The following OR51B5 variants were observed in gnomAD, a reference collection of about 807,000 sequenced individuals.
OR51B5 encodes olfactory receptor family 51 subfamily B member 5, also known as olfactory receptor 51B5.
For synonymous variants in OR51B5, 186 were observed against 144.8 expected, an observed-to-expected ratio of 1.28 and a Z score of -2.04; for missense variants, 456 against 374.6, an observed-to-expected ratio of 1.22 and a Z score of -1.79.
chr11:5,396,850 A>G (rs1004535199), intron 1 of OR51B5, among the ~76,000 whole-genome samples: 3 of 152,212 alleles, frequency 2.0e-5, no homozygotes, highest in Non-Finnish European at 4.4e-5. Flanking sequence ...TGGTACCAAA[A>G]CAGAGATATA....
At chr11:5,354,754 G>C (rs1849159775) in intron 1 of OR51B5, 2 of 184,464 alleles carry the variant, frequency 1.1e-5, no homozygotes, top group Non-Finnish European at 1.1e-5. Flanking sequence ...CCACTCACAG[G>C]AAAACGTCCT....
chr11:5,483,508 T>TA (rs373550440), intron 1 of OR51B5, among the ~76,000 whole-genome samples: 1,045 of 96,668 alleles, frequency 0.011, 18 homozygotes, highest in South Asian at 0.054. Flanking sequence ...AAAGTATAAT[T>TA]AAAAAAAAAA....
intron 1 of OR51B5, among the ~76,000 whole-genome samples, chr11:5,357,023 T>A (rs1368740233): frequency 6.6e-6 from 1 of 151,984 alleles, no homozygotes; most frequent in Non-Finnish European, 1.5e-5. Context: ...TGCAAAAACA[T>A]GCCAAATTGT....
At chr11:5,480,673 G>T (rs954318428) in intron 1 of OR51B5, among the ~76,000 whole-genome samples, 28 of 151,422 alleles carry the variant, frequency 1.8e-4, no homozygotes, top group African/African-American at 6.5e-4. Context: ...TGATAAAGGG[G>T]ATATCACCAC....
Position 5,426,678 on chromosome 11 carries a change from T to C in OR51B5, n.84+78891A>G, listed in dbSNP as rs111864565. 2.0e-3 allele frequency among the ~76,000 whole-genome samples: 298 copies of C among 152,234 alleles called. 2 individuals are homozygous for C. The highest frequency in any genetic ancestry group is 6.9e-3 in the African/African-American group (288 of 41,528). ...CAGTATAGTTTTTTGGCATGTTGAG[T>C]GCTTTAAATTAAACAAAACTGAAAG... On this transcript the variant is annotated intron_variant and non_coding_transcript_variant, in intron 1 of 4. Coordinates refer to the OR51B5 transcript ENST00000415970.
intron 1 of OR51B5, among the ~76,000 whole-genome samples, chr11:5,465,258 A>G (rs1405594806): frequency 6.8e-6 from 1 of 146,284 alleles, no homozygotes; most frequent in Non-Finnish European, 1.5e-5. Context: ...CATCCTCTCC[A>G]GCACCTGTTG....
rs528931258 is a variant in OR51B5, at chr11:5,488,242, T to C, written n.84+17327A>G. 1.8e-4 allele frequency among the ~76,000 whole-genome samples: 28 copies of C among 152,200 alleles called. No homozygotes were observed. The East Asian group carries it at 5.2e-3, about 28-fold the overall frequency. ...AAATTAGAGATTACCAAGACCAGTT[T>C]AGAAAGGGAAGGCCTCTGGGAAGCA... On this transcript the variant is annotated intron_variant and non_coding_transcript_variant, in intron 1 of 4. Coordinates refer to the OR51B5 transcript ENST00000415970.
chr11:5,463,803 A>G (rs16926541), intron 1 of OR51B5, among the ~76,000 whole-genome samples: 40,273 of 152,144 alleles, frequency 0.26, 6,045 homozygotes, highest in East Asian at 0.43. Flanking sequence ...CTAAAGAGAT[A>G]CAGGAGGGAT....
chr11:5,454,506 A>G (rs1850923044), intron 1 of OR51B5: 2 of 1,180,128 alleles, frequency 1.7e-6, no homozygotes, highest in Non-Finnish European at 2.4e-6. Context: ...TCATCAAAGT[A>G]TAAGATAGAT....
At chr11:5,460,452 GT>G (rs1851033170) in intron 1 of OR51B5, among the ~76,000 whole-genome samples, 1 of 134,462 alleles carries the variant, frequency 7.4e-6, no homozygotes, top group African/African-American at 2.8e-5. Context: ...AGTTTGGTTT[GT>G]TCTTAAAATG....
intron 1 of OR51B5, chr11:5,389,859 T>A (rs769539674): frequency 6.2e-7 from 1 of 1,613,776 alleles, no homozygotes; most frequent in South Asian, 1.1e-5. Context: ...CAGCAAGTGG[T>A]CAGAGCAGGC....
At chr11:5,381,010 C>CTTCA (rs1050555828) in intron 1 of OR51B5, among the ~76,000 whole-genome samples, 3 of 152,120 alleles carry the variant, frequency 2.0e-5, no homozygotes, top group Admixed American at 1.3e-4. Flanking sequence ...GAATCTCCTA[C>CTTCA]TTCACCAAGC....
At chr11:5,439,539 T>C (rs1031068612) in intron 1 of OR51B5, among the ~76,000 whole-genome samples, 1 of 152,210 alleles carries the variant, frequency 6.6e-6, no homozygotes, top group African/African-American at 2.4e-5. Context: ...CAACCTTTAA[T>C]AGATATGGAA....
chr11:5,342,984 C>A (rs776418692), exon 1 of OR51B5: 1 of 1,613,164 alleles, frequency 6.2e-7, no homozygotes. Context: ...TTAATGACAT[C>A]CTGGTGAAGG....
intron 1 of OR51B5, among the ~76,000 whole-genome samples, chr11:5,387,035 G>A (rs77573061): frequency 0.07 from 10,660 of 151,984 alleles, 438 homozygotes; most frequent in African/African-American, 0.096. Flanking sequence ...GAGTTATCTG[G>A]ACTAGAGATT....
chr11:5,356,270 G>T (rs189940560), intron 1 of OR51B5, among the ~76,000 whole-genome samples: 52 of 151,994 alleles, frequency 3.4e-4, no homozygotes, highest in Non-Finnish European at 6.5e-4. Flanking sequence ...CCAATACAGA[G>T]AAGTCCTTAA....
intron 1 of OR51B5, among the ~76,000 whole-genome samples, chr11:5,413,432 C>T (rs1442969893): frequency 1.3e-5 from 2 of 152,182 alleles, no homozygotes; most frequent in Non-Finnish European, 2.9e-5. Flanking sequence ...CAAAGCTGGA[C>T]AGAGAATGAC....
At chr11:5,468,863 A>C (rs1851179224) in intron 1 of OR51B5, 1 of 419,118 alleles carries the variant, frequency 2.4e-6, no homozygotes, top group Non-Finnish European at 4.8e-6. Flanking sequence ...CAGCCGAATC[A>C]GGTCTGCATG....
chr11:5,463,886 A>G (rs527699967), intron 1 of OR51B5, among the ~76,000 whole-genome samples: 1 of 152,320 alleles, frequency 6.6e-6, no homozygotes, highest in Middle Eastern at 3.4e-3. Context: ...CCTTCTCACA[A>G]AGCCTCACCA....
Sources: allele counts gnomAD v4.1 joint callset (sites outside exome capture counted in the v4.1 genomes callset), GRCh38; gene constraint gnomAD v4.1.1; transcripts MANE v1.5; gene names NCBI Gene and HGNC (gene_info 2026-07-23, HGNC 2026-07-21).